Variants in DMXL1 observed in about 807,000 individuals in gnomAD.
The protein encoded by DMXL1 is dmX-like protein 1.
In DMXL1, 99 loss-of-function variants were observed where a neutral mutation model predicts 319.2. The ratio of observed to expected loss-of-function variants is 0.31; its 90% CI spans 0.26 to 0.37. The LOEUF (loss-of-function observed/expected upper bound fraction) is 0.37. Ranked by LOEUF, DMXL1 falls within the 10% of genes least tolerant of loss-of-function variation. The pLI is 1.00. For missense variants in DMXL1, 3,745 were observed against 3,595.6 expected, an observed-to-expected ratio of 1.04 and a Z score of -1.06; for synonymous variants, 1,385 against 1,235.2, an observed-to-expected ratio of 1.12 and a Z score of -2.54.
Position 119,071,359 on chromosome 5 carries a change from T to C in DMXL1, c.-211T>C. The C allele has an allele frequency of 1.8e-6, 1 of 549,802 alleles. No homozygotes were observed. The highest frequency in any genetic ancestry group is 3.2e-6 in the Non-Finnish European group (1 of 314,374). 34.1% of individuals were successfully genotyped at this position (549,802 alleles called of 1,614,324 possible). ...CGAAGGAGCGCGGCGCTCCGCCCTC[T>C]CGCCGACCCGCCCCCTCCGGGCCTC... On this transcript the variant is annotated 5_prime_UTR_variant, in exon 1 of 44. Transcript: ENST00000539542.
At chr5:119,114,402 A>G in intron 5 of DMXL1, 73 bp from the exon 6 acceptor site, 1 of 1,091,862 alleles carries the variant, frequency 9.2e-7, no homozygotes, top group Non-Finnish European at 1.4e-6. Context: ...TTGCTGATTT[A>G]TAATTTTGAG....
At chr5:119,198,179 G>T (rs1445707685) in intron 32 of DMXL1, among the ~76,000 whole-genome samples, 1 of 152,036 alleles carries the variant, frequency 6.6e-6, no homozygotes, top group Non-Finnish European at 1.5e-5. Flanking sequence ...AGTAGAGATG[G>T]GGTTTCACCA....
chr5:119,077,193 T>C (rs570211120), intron 1 of DMXL1, among the ~76,000 whole-genome samples: 3 of 143,448 alleles, frequency 2.1e-5, no homozygotes, highest in African/African-American at 9.0e-5. Flanking sequence ...GATCTTGTTA[T>C]ATTGCCCAGA....
chr5:119,196,482 A>T, intron 31 of DMXL1, 26 bp downstream of exon 31: 18 of 1,325,100 alleles, frequency 1.4e-5, no homozygotes, highest in Non-Finnish European at 2.0e-5. Context: ...ACATGAGCTA[A>T]TGGTGCCATT....
At chr5:119,156,041 T>C (rs943437013) in intron 19 of DMXL1, among the ~76,000 whole-genome samples, 35 of 152,324 alleles carry the variant, frequency 2.3e-4, no homozygotes, top group African/African-American at 8.2e-4. Context: ...AAAGAAGTTC[T>C]AAATTCTATC....
chr5:119,078,498 T>C (rs985124782), intron 1 of DMXL1, among the ~76,000 whole-genome samples: 4 of 152,224 alleles, frequency 2.6e-5, no homozygotes, highest in Admixed American at 2.6e-4. Context: ...TCACACAGGC[T>C]GGAGTGCAGT....
chr5:119,149,755 G>A lies in DMXL1; in HGVS notation c.3928G>A (p.Gly1310Ser). 6.2e-7 allele frequency: 1 copy of A among 1,613,966 alleles called. No individual in the cohort carries two copies. Among genetic ancestry groups the A allele is most frequent in the African/African-American group, 1.3e-5 (1 of 75,024 alleles). ...FDPSVDMEDS[G>S]LFEAAHVLSP... ...TCCTTCAGTGGATATGGAAGATTCAGGTCTTTTTGAAGCAGCTCATGTACT... is the reference window on the plus strand; with the variant it reads ...TCCTTCAGTGGATATGGAAGATTCAAGTCTTTTTGAAGCAGCTCATGTACT... The change falls in exon 18 of 44, where the codon GGT (glycine) becomes AGT (serine). Residue 1310 changes from glycine to serine, a missense_variant. Gly to Ser is a moderately conservative substitution (Grantham distance 56). Coordinates refer to ENST00000539542, the MANE Select transcript of DMXL1 (RefSeq NM_001290321.3).
At chr5:119,075,956 A>G (rs968730952) in intron 1 of DMXL1, among the ~76,000 whole-genome samples, 2 of 152,194 alleles carry the variant, frequency 1.3e-5, no homozygotes, top group African/African-American at 4.8e-5. Flanking sequence ...ACATTTATAG[A>G]TTCTACTTTT....
chr5:119,193,440 T>A (rs763177794), intron 29 of DMXL1, among the ~76,000 whole-genome samples: 2 of 152,324 alleles, frequency 1.3e-5, no homozygotes, highest in Middle Eastern at 3.4e-3. Flanking sequence ...CCTTCCATGG[T>A]CAGCTTATCT....
chr5:119,220,972 A>C lies in DMXL1; in HGVS notation c.8168A>C (p.Asp2723Ala), dbSNP rs772215639. Residue 2723 changes from aspartate (D) to alanine (A), a missense_variant, in exon 37 of 44, where the codon GAT becomes GCT. Asp to Ala is a moderately radical substitution (Grantham distance 126, BLOSUM62 -2). Around this residue, in one of 4 missense-constraint regions of DMXL1, gnomAD observed 1,382 missense variants for 1,269.5 expected, o/e 1.09. Coordinates refer to ENST00000539542, the MANE Select transcript of DMXL1 (RefSeq NM_001290321.3). ...GATTTCTTGGTTATACATGCTCGTG[A>C]TGATTTAACAGCTGTTCAAGGTACA... Reference protein sequence around the residue: ...SEDFLVIHARDDLTAVQGTTP... With the variant: ...SEDFLVIHARADLTAVQGTTP... The C allele has an allele frequency of 3.7e-6, 6 of 1,613,652 alleles. No individual in the cohort carries two copies. The South Asian group carries it at 5.5e-5, about 15-fold the overall frequency.
At chr5:119,122,110 G>A (rs1454515011) in intron 9 of DMXL1, among the ~76,000 whole-genome samples, 10 of 134,912 alleles carry the variant, frequency 7.4e-5, no homozygotes, top group Admixed American at 5.8e-4. Flanking sequence ...CCTCCCTCCC[G>A]GACGGGGCGG....
intron 19 of DMXL1, among the ~76,000 whole-genome samples, chr5:119,158,046 T>C (rs890541036): frequency 6.6e-6 from 1 of 152,044 alleles, no homozygotes; most frequent in Non-Finnish European, 1.5e-5. Flanking sequence ...AGAGCTCTTT[T>C]ATCTCCTTGG....
Position 119,071,633 on chromosome 5 carries a change from A to G in DMXL1, c.64A>G (p.Ser22Gly). ...TGGCGACCACTGCTTCTCCGTGGGC[A>G]GCATTGGCGACCAGCGCTTCACGGT... is the stretch of plus-strand genomic sequence containing the variant. ...NPGDHCFSVGSIGDQRFTAYA... is the reference protein window; with the variant it reads ...NPGDHCFSVGGIGDQRFTAYA... The change falls in exon 1 of 44, where the codon AGC becomes GGC. Residue 22 changes from serine to glycine, a missense_variant. This residue lies in a region of DMXL1 where 2,096 missense variants were observed against 1,985.4 expected (regional missense o/e 1.06). Coordinates refer to ENST00000539542, the MANE Select transcript of DMXL1 (RefSeq NM_001290321.3). 2 of 1,597,552 alleles carry G rather than the reference A, an allele frequency of 1.3e-6. No homozygotes were observed. Among genetic ancestry groups the G allele is most frequent in the Non-Finnish European group, 1.7e-6 (2 of 1,172,568 alleles).
chr5:119,223,232 T>G (rs1404380547), intron 37 of DMXL1, among the ~76,000 whole-genome samples: 2 of 151,954 alleles, frequency 1.3e-5, no homozygotes, highest in African/African-American at 4.8e-5. Flanking sequence ...AATTTTTGTA[T>G]TTTTAGTAGA....
At chr5:119,120,876 A>G in intron 8 of DMXL1, 95 bp from the exon 9 acceptor site, 3 of 1,005,072 alleles carry the variant, frequency 3.0e-6, no homozygotes, top group Non-Finnish European at 4.2e-6. Flanking sequence ...AAATGTTCTG[A>G]GCTAGGATAT....
intron 37 of DMXL1, 83 bp from the exon 38 acceptor site, chr5:119,224,626 G>T: frequency 2.0e-6 from 1 of 504,072 alleles, no homozygotes; most frequent in South Asian, 4.5e-5. Context: ...ATAAATAAAT[G>T]AATGTTATTT....
In DMXL1 at chr5:119,082,020, TACACACACAC is replaced by T. The variant is rs565047535; in HGVS notation, c.87+10392_87+10401del. Among the ~76,000 whole-genome samples, 546 of 108,110 alleles carry T rather than the reference TACACACACAC, an allele frequency of 5.1e-3. 1 individual carries two copies. The highest frequency in any genetic ancestry group is 6.6e-3 in the Non-Finnish European group (380 of 57,470). The allele number at this position is 108,110 out of a possible 152,430, so 70.9% of individuals were successfully genotyped here. ...GGTTATATATATATATATATATATA[TACACACACAC>T]ACACACACACACACACACACACACA... is the stretch of plus-strand genomic sequence containing the variant. On this transcript the variant is annotated intron_variant, in intron 1 of 43. Coordinates refer to ENST00000539542, the MANE Select transcript of DMXL1 (RefSeq NM_001290321.3).
intron 4 of DMXL1, among the ~76,000 whole-genome samples, chr5:119,108,560 A>T (rs1758861369): frequency 6.6e-6 from 1 of 151,904 alleles, no homozygotes; most frequent in Admixed American, 6.6e-5. Flanking sequence ...AGTGTCTGGT[A>T]CTACAAGTGC....
chr5:119,129,549 A>G, intron 10 of DMXL1, 126 bp downstream of exon 10: 7 of 656,924 alleles, frequency 1.1e-5, no homozygotes, highest in Non-Finnish European at 1.8e-5. Context: ...AACATGGACT[A>G]GCTCATTTAA....
Sources: gnomAD v4.1 joint callset for allele counts (sites outside exome capture counted in the v4.1 genomes callset) on GRCh38, gnomAD v4.1.1 for gene constraint, gnomAD v4.1.1 regional missense constraint, MANE v1.5 for transcripts, NCBI Gene and HGNC (gene_info 2026-07-23, HGNC 2026-07-21) for gene names.